Variants in STX18 observed in about 807,000 individuals in gnomAD.
STX18 encodes syntaxin-18.
In STX18, 40 loss-of-function variants were observed where a neutral mutation model predicts 50.1. That is an observed-to-expected ratio of 0.80 (90% confidence interval 0.62 to 1.04). STX18 has a LOEUF of 1.04. Ranked by LOEUF, STX18 falls within the 50% of genes least tolerant of loss-of-function variation. The probability of loss-of-function intolerance (pLI) is 0.00; values close to 1 mark genes in which losing one functional copy is unlikely to be tolerated. For synonymous variants in STX18, 158 were observed against 151.8 expected (o/e 1.04, Z -0.30); for missense variants, 410 against 415.8 (o/e 0.99, Z 0.12).
rs1431709922 is a variant in STX18 at position 4,541,979 on chromosome 4, T to G, written c.-15A>C. On this transcript the variant is annotated 5_prime_UTR_variant, in exon 1 of 11. Coordinates refer to ENST00000306200, the MANE Select transcript of STX18 (RefSeq NM_016930.4). Reference sequence around the variant, plus strand: ...TCCACCGCCATAGCGACCCGCACCCTCAGCCCCACACTAGGCCCGCCCACG... The same window carrying G: ...TCCACCGCCATAGCGACCCGCACCCGCAGCCCCACACTAGGCCCGCCCACG... 2 of 1,592,394 alleles carry G rather than the reference T, an allele frequency of 1.3e-6. No individual in the cohort carries two copies. Among genetic ancestry groups the G allele is most frequent in the Non-Finnish European group, 1.7e-6 (2 of 1,170,904 alleles).
At chr4:4,453,364 A>C (rs1560171424) in intron 5 of STX18, among the ~76,000 whole-genome samples, 1 of 152,114 alleles carries the variant, frequency 6.6e-6, no homozygotes, top group African/African-American at 2.4e-5. Flanking sequence ...CCCACCCTCA[A>C]TCAGTCAGTA....
At chr4:4,469,981 C>T (rs1392706451) in intron 2 of STX18, among the ~76,000 whole-genome samples, 1 of 152,170 alleles carries the variant, frequency 6.6e-6, no homozygotes, top group Non-Finnish European at 1.5e-5. Context: ...ATCCCTGTTA[C>T]CTTGGTTCTA....
chr4:4,459,087 CACAA>C (rs1009521658), intron 3 of STX18, among the ~76,000 whole-genome samples: 15 of 150,192 alleles, frequency 1.0e-4, no homozygotes, highest in African/African-American at 3.4e-4. Flanking sequence ...CACACACACA[CACAA>C]ATTTGTCTTC....
At position 4,431,663 on chromosome 4, in the gene STX18, A is replaced by G. The variant is rs201520772; in HGVS notation, c.702+3107T>C. Among the ~76,000 whole-genome samples, 3 of 151,996 alleles carry G rather than the reference A, an allele frequency of 2.0e-5. No homozygotes were observed. The East Asian group carries it at 5.8e-4, about 29-fold the overall frequency. On this transcript the variant is annotated intron_variant, in intron 7 of 10. Transcript: ENST00000306200. Reference sequence around the variant, plus strand: ...CATGAATGTCCCACAGGCGCCTCAAACTCACACCTGTCTACATGAAATTCA... The same window carrying G: ...CATGAATGTCCCACAGGCGCCTCAAGCTCACACCTGTCTACATGAAATTCA...
At chr4:4,452,508 T>G (rs73086244) in intron 5 of STX18, among the ~76,000 whole-genome samples, 1 of 152,148 alleles carries the variant, frequency 6.6e-6, no homozygotes, top group Non-Finnish European at 1.5e-5. Flanking sequence ...ATGCAGCAGA[T>G]GATTTTAAGC....
chr4:4,459,281 G>C (rs1480712076), intron 3 of STX18, 91 bp downstream of exon 3: 3 of 866,096 alleles, frequency 3.5e-6, no homozygotes, highest in Non-Finnish European at 5.6e-6. Flanking sequence ...GAAATAAGAA[G>C]AGGGAATTTT....
intron 1 of STX18, among the ~76,000 whole-genome samples, chr4:4,479,659 T>A (rs1349428050): frequency 2.6e-5 from 4 of 152,180 alleles, no homozygotes; most frequent in African/African-American, 9.7e-5. Flanking sequence ...ACTTTTTAAC[T>A]AGCTATATTT....
chr4:4,447,508 G>A (rs1277042944), intron 5 of STX18, among the ~76,000 whole-genome samples: 3 of 147,040 alleles, frequency 2.0e-5, no homozygotes, highest in East Asian at 2.0e-4. Context: ...GGAGAATGGC[G>A]TGAACCCGGG....
At chr4:4,477,470 C>T (rs1728242702) in intron 1 of STX18, among the ~76,000 whole-genome samples, 1 of 152,186 alleles carries the variant, frequency 6.6e-6, no homozygotes, top group South Asian at 2.1e-4. Context: ...AAAACTTTCA[C>T]TGGGACCTCA....
At chr4:4,483,868 T>C (rs1285334312) in intron 1 of STX18, among the ~76,000 whole-genome samples, 2 of 151,988 alleles carry the variant, frequency 1.3e-5, no homozygotes, top group Non-Finnish European at 2.9e-5. Flanking sequence ...GGAATTTTTT[T>C]TTTCCTTTTT....
intron 1 of STX18, among the ~76,000 whole-genome samples, chr4:4,537,344 C>T (rs1731391867): frequency 2.6e-5 from 4 of 152,166 alleles, no homozygotes; most frequent in Admixed American, 2.6e-4. Flanking sequence ...TTTGCTTGCC[C>T]AACATTCCTT....
intron 2 of STX18, among the ~76,000 whole-genome samples, chr4:4,460,354 G>C (rs75026969): frequency 3.3e-5 from 5 of 152,114 alleles, no homozygotes; most frequent in Non-Finnish European, 5.9e-5. Flanking sequence ...ACACAGCTAC[G>C]ACTGTGCTCC....
intron 2 of STX18, among the ~76,000 whole-genome samples, chr4:4,464,300 G>A (rs1051761119): frequency 1.3e-5 from 2 of 152,350 alleles, no homozygotes; most frequent in Admixed American, 1.3e-4. Context: ...TGGAGAGCTG[G>A]AGTCTATTCC....
intron 1 of STX18, 110 bp from the exon 2 acceptor site, chr4:4,471,816 C>A (rs546656321): frequency 1.3e-6 from 1 of 780,108 alleles, no homozygotes; most frequent in Non-Finnish European, 2.0e-6. Context: ...TCTGAAGCTA[C>A]AAACTGAGCA....
Position 4,458,888 on chromosome 4 carries a change from T to C in STX18, c.352+484A>G, listed in dbSNP as rs142771285. ...AGCCCTGGCTCCAGAGCCTTCCTCC[T>C]AACCTTGAAGGTTTGATAGGAAAGT... On this transcript the variant is annotated intron_variant, in intron 3 of 10. Coordinates refer to ENST00000306200, the MANE Select transcript of STX18 (RefSeq NM_016930.4). Among the ~76,000 whole-genome samples the C allele has an allele frequency of 3.6e-3, 546 of 152,304 alleles. 3 individuals are homozygous for C. Among genetic ancestry groups the C allele is most frequent in the African/African-American group, 0.013 (530 of 41,564 alleles).
intron 1 of STX18, among the ~76,000 whole-genome samples, chr4:4,484,842 ACTTT>A (rs1450336128): frequency 5.9e-5 from 9 of 152,246 alleles, no homozygotes; most frequent in African/African-American, 1.7e-4. Context: ...TGCTTGGAAA[ACTTT>A]CTTTCATTTG....
rs73796090 is a variant in STX18 at position 4,525,985 on chromosome 4, C to T, written c.168+15812G>A. ...AGGAGCCAAGGAAGGAGGCAAGAAG[C>T]TGAGGGGACTGCTAACAGAGCAGCA... is the stretch of plus-strand genomic sequence containing the variant. On this transcript the variant is annotated intron_variant, in intron 1 of 10. Coordinates refer to ENST00000306200, the MANE Select transcript of STX18 (RefSeq NM_016930.4). 7.8e-3 allele frequency among the ~76,000 whole-genome samples: 1,186 copies of T among 152,234 alleles called. 13 individuals are homozygous for T. Among genetic ancestry groups the T allele is most frequent in the African/African-American group, 0.027 (1,129 of 41,552 alleles).
intron 1 of STX18, among the ~76,000 whole-genome samples, chr4:4,488,483 C>T (rs756168390): frequency 7.9e-5 from 12 of 152,066 alleles, no homozygotes; most frequent in Non-Finnish European, 1.6e-4. Context: ...TGTGCTAGGA[C>T]GATTAAAAAT....
chr4:4,454,761 C>T (rs1173503094), intron 5 of STX18, among the ~76,000 whole-genome samples: 1 of 152,202 alleles, frequency 6.6e-6, no homozygotes, highest in Non-Finnish European at 1.5e-5. Flanking sequence ...AATCTTGATT[C>T]AGCTGTGATG....
Sources: allele counts gnomAD v4.1 joint callset (sites outside exome capture counted in the v4.1 genomes callset), GRCh38; gene constraint gnomAD v4.1.1; transcripts MANE v1.5; gene names NCBI Gene and HGNC (gene_info 2026-07-23, HGNC 2026-07-21).